Variants in ZNF184 observed in about 807,000 individuals in gnomAD.
The protein encoded by ZNF184 is zinc finger protein 184, also known as zinc finger protein 184 (Kruppel-like).
A neutral mutation model predicts 54.4 loss-of-function variants in ZNF184; 16 were observed. That is an observed-to-expected ratio of 0.29 (90% CI 0.20 to 0.45). The LOEUF (loss-of-function observed/expected upper bound fraction) is 0.45, where lower values mean the gene tolerates loss of function less well. Among genes scored for constraint, ZNF184 ranks in the 20% least tolerant of loss-of-function variants. The pLI, the probability that ZNF184 is intolerant of heterozygous loss-of-function variation, is 1.00. For missense variants in ZNF184, 681 were observed against 888.2 expected (o/e 0.77, Z 2.97); for synonymous variants, 254 against 295.3 (o/e 0.86, Z 1.43).
At chr6:27,427,622 T>C in the ZNF184 span, among the ~76,000 whole-genome samples, 153 of 152,358 alleles carry the variant, frequency 1.0e-3, no homozygotes, top group African/African-American at 3.6e-3. Flanking sequence ...TCTACATCTC[T>C]GCACAGGGCC....
At chr6:27,417,875 A>G in the ZNF184 span, among the ~76,000 whole-genome samples, 1 of 152,204 alleles carries the variant, frequency 6.6e-6, no homozygotes, top group Non-Finnish European at 1.5e-5. Flanking sequence ...GCACTCCACA[A>G]TCTACAACCT....
At chr6:27,455,346 A>T (rs1302849322) in intron 5 of ZNF184, among the ~76,000 whole-genome samples, 2 of 152,166 alleles carry the variant, frequency 1.3e-5, no homozygotes, top group Non-Finnish European at 2.9e-5. Context: ...GGTGGGGGTT[A>T]TTATTTTTGC....
chr6:27,440,801 A>G, the ZNF184 span, among the ~76,000 whole-genome samples: 1 of 152,096 alleles, frequency 6.6e-6, no homozygotes, highest in Non-Finnish European at 1.5e-5. Context: ...CAGGAGATCC[A>G]GACCATCCTG....
chr6:27,460,541 A>G (rs1382595725), intron 3 of ZNF184, among the ~76,000 whole-genome samples: 1 of 152,218 alleles, frequency 6.6e-6, no homozygotes, highest in East Asian at 1.9e-4. Flanking sequence ...TGCCTGAGGC[A>G]CTGTCCAGAC....
the ZNF184 span, among the ~76,000 whole-genome samples, chr6:27,414,700 T>G: frequency 6.6e-6 from 1 of 152,140 alleles, no homozygotes; most frequent in Non-Finnish European, 1.5e-5. Flanking sequence ...ATTGGTGTTT[T>G]GTATCCTATC....
the ZNF184 span, among the ~76,000 whole-genome samples, chr6:27,413,337 TG>T: frequency 6.6e-6 from 1 of 152,250 alleles, no homozygotes; most frequent in African/African-American, 2.4e-5. Context: ...ATACCTTTTA[TG>T]GTTTGGGGAA....
chr6:27,471,737 G>A (rs898629230), intron 2 of ZNF184, among the ~76,000 whole-genome samples: 1 of 152,228 alleles, frequency 6.6e-6, no homozygotes, highest in African/African-American at 2.4e-5. Context: ...GCAGCAGTGT[G>A]AAAGAAAGAA....
At chr6:27,458,584 C>CA (rs57965027) in intron 3 of ZNF184, among the ~76,000 whole-genome samples, 364 of 147,858 alleles carry the variant, frequency 2.5e-3, no homozygotes, top group African/African-American at 7.9e-3. Flanking sequence ...GTCAAAAAGA[C>CA]AAAAAAAAAA....
Position 27,456,934 on chromosome 6 carries a change from GA to G in ZNF184, c.203-14del, listed in dbSNP as rs753351667. The G allele has an allele frequency of 1.2e-6, 2 of 1,603,792 alleles. No homozygotes were observed. The highest frequency in any genetic ancestry group is 1.3e-5 in the African/African-American group (1 of 74,200). ...GAAACTTGGAGTCCTGTTCATTAGG[GA>G]AAAAAAGAAAGAAACCTGCAGTAAG... On this transcript the variant is annotated splice_polypyrimidine_tract_variant and intron_variant, in intron 4 of 5. Transcript: ENST00000683788.
intron 2 of ZNF184, among the ~76,000 whole-genome samples, chr6:27,468,906 T>C (rs1212196721): frequency 6.6e-6 from 1 of 152,194 alleles, no homozygotes; most frequent in Non-Finnish European, 1.5e-5. Context: ...ATTAGAAACA[T>C]TCCATATCTT....
intron 5 of ZNF184, among the ~76,000 whole-genome samples, chr6:27,454,039 A>G (rs965096391): frequency 1.3e-5 from 2 of 152,256 alleles, no homozygotes; most frequent in Admixed American, 6.5e-5. Flanking sequence ...ATACCAATGA[A>G]AGAAAGCAGT....
chr6:27,442,572 G>C, the ZNF184 span, among the ~76,000 whole-genome samples: 3 of 151,836 alleles, frequency 2.0e-5, no homozygotes. Context: ...ACTCCAGCCT[G>C]GGCAACAGAG....
At chr6:27,404,066 G>T in the ZNF184 span, 6 of 152,124 alleles carry the variant, frequency 3.9e-5, no homozygotes, top group African/African-American at 1.4e-4. Flanking sequence ...GTAAAAAAAT[G>T]ACTCAAGATG....
At chr6:27,461,908 G>T (rs901304814) in intron 3 of ZNF184, among the ~76,000 whole-genome samples, 6 of 152,186 alleles carry the variant, frequency 3.9e-5, no homozygotes, top group African/African-American at 1.4e-4. Flanking sequence ...ATTCAGAAAA[G>T]TACCAATCTG....
the ZNF184 span, among the ~76,000 whole-genome samples, chr6:27,414,723 T>C: frequency 3.3e-5 from 5 of 152,250 alleles, 1 homozygote; most frequent in African/African-American, 1.2e-4. Context: ...GCTTTATTTT[T>C]CTTCATAGTA....
At chr6:27,444,689 A>G in the ZNF184 span, among the ~76,000 whole-genome samples, 1 of 152,032 alleles carries the variant, frequency 6.6e-6, no homozygotes, top group African/African-American at 2.4e-5. Flanking sequence ...TCCAATGTCA[A>G]TTCTCTCTTC....
At chr6:27,424,367 G>C in the ZNF184 span, among the ~76,000 whole-genome samples, 1 of 152,148 alleles carries the variant, frequency 6.6e-6, no homozygotes, top group Non-Finnish European at 1.5e-5. Context: ...AAGGAAAGCC[G>C]ACAGAGTTGC....
chr6:27,469,326 G>C (rs1424825429), intron 2 of ZNF184, among the ~76,000 whole-genome samples: 1 of 152,172 alleles, frequency 6.6e-6, no homozygotes, highest in African/African-American at 2.4e-5. Context: ...ACTAGTGAGG[G>C]AAGATGTCTC....
chr6:27,405,308 T>G, the ZNF184 span: 4 of 152,302 alleles, frequency 2.6e-5, no homozygotes, highest in African/African-American at 9.6e-5. Flanking sequence ...GGCTTTCCAG[T>G]CAGCTAAGAT....
Sources: allele counts gnomAD v4.1 joint callset (sites outside exome capture counted in the v4.1 genomes callset), GRCh38; gene constraint gnomAD v4.1.1; transcripts MANE v1.5; gene names NCBI Gene and HGNC (gene_info 2026-07-23, HGNC 2026-07-21).